SLCO1A2: variants seen among roughly 807,000 people sequenced by gnomAD.
SLCO1A2 encodes the protein solute carrier organic anion transporter family member 1A2.
In SLCO1A2, 67 loss-of-function variants were observed where a neutral mutation model predicts 69.0. The observed-to-expected ratio is 0.97, with a 90% CI of 0.80 to 1.19. SLCO1A2 has a LOEUF of 1.19. Among genes scored for constraint, SLCO1A2 ranks in the 50% most tolerant of loss-of-function variants. SLCO1A2 has a pLI of 0.00. For missense variants in SLCO1A2, 787 were observed against 793.7 expected (o/e 0.99, Z 0.10); for synonymous variants, 260 against 265.9 (o/e 0.98, Z 0.22).
At chr12:21,373,531 A>T (rs571249008) in intron 2 of SLCO1A2, 10 of 829,676 alleles carry the variant, frequency 1.2e-5, no homozygotes, top group African/African-American at 6.7e-5. Context: ...ATTTCTGACT[A>T]TATCATACTT....
At chr12:21,291,378 T>G (rs943959545) in intron 12 of SLCO1A2, among the ~76,000 whole-genome samples, 1 of 152,132 alleles carries the variant, frequency 6.6e-6, no homozygotes, top group South Asian at 2.1e-4. Context: ...CTATGGTGAC[T>G]GGAAGTAGGG....
At chr12:21,318,742 AC>A in intron 3 of SLCO1A2, 39 bp downstream of exon 3, 1 of 1,559,410 alleles carries the variant, frequency 6.4e-7, no homozygotes, top group South Asian at 1.2e-5. Flanking sequence ...CACAGATAAG[AC>A]AAAATACAAA....
chr12:21,366,605 C>T lies in SLCO1A2; in HGVS notation c.-63+7794G>A, dbSNP rs555757493. Among the ~76,000 whole-genome samples, 5 of 151,786 alleles carry T rather than the reference C, an allele frequency of 3.3e-5. No individual in the cohort carries two copies. The South Asian group carries it at 1.0e-3, about 32-fold the overall frequency. On this transcript the variant is annotated intron_variant, in intron 2 of 15. Transcript: ENST00000307378. Reference sequence around the variant, plus strand: ...AAAGATATTTTTTAACAAAAGGGATCTGAAGGAAATGAAGACCACAACAGA... The same window carrying T: ...AAAGATATTTTTTAACAAAAGGGATTTGAAGGAAATGAAGACCACAACAGA...
At chr12:21,301,309 A>G in intron 6 of SLCO1A2, 40 bp from the exon 7 acceptor site, 1 of 1,380,064 alleles carries the variant, frequency 7.2e-7, no homozygotes, top group African/African-American at 1.4e-5. Flanking sequence ...GTACAGTTAT[A>G]TGCCCACATA....
At chr12:21,398,301 A>G (rs1479830365), upstream of SLCO1A2, among the ~76,000 whole-genome samples, 1 of 150,880 alleles carries the variant, frequency 6.6e-6, no homozygotes, top group African/African-American at 2.4e-5. Flanking sequence ...CTGGACACAT[A>G]CACTCTCCCA....
chr12:21,396,184 G>T (rs1348825103), upstream of SLCO1A2, among the ~76,000 whole-genome samples: 1 of 150,322 alleles, frequency 6.7e-6, no homozygotes, highest in African/African-American at 2.4e-5. Flanking sequence ...TAAAGGAGCT[G>T]ATGGAGCTGA....
intron 1 of SLCO1A2, among the ~76,000 whole-genome samples, chr12:21,392,712 T>C (rs1482790342): frequency 6.6e-6 from 1 of 152,204 alleles, no homozygotes; most frequent in African/African-American, 2.4e-5. Flanking sequence ...TACATTTCTT[T>C]TACAAGTTCC....
At chr12:21,410,304 C>T (rs910288063) in intron 1 of SLCO1A2, among the ~76,000 whole-genome samples, 6 of 152,078 alleles carry the variant, frequency 3.9e-5, no homozygotes, top group African/African-American at 1.4e-4. Context: ...AGACAGAATG[C>T]ATGTGTGCCT....
At chr12:21,312,093 GGA>G (rs1950291376) in intron 4 of SLCO1A2, among the ~76,000 whole-genome samples, 1 of 151,482 alleles carries the variant, frequency 6.6e-6, no homozygotes. Context: ...GGAGGAGGAA[GGA>G]GAAGAAGAAG....
At chr12:21,277,889 G>A (rs1405876723) in intron 12 of SLCO1A2, among the ~76,000 whole-genome samples, 1 of 152,160 alleles carries the variant, frequency 6.6e-6, no homozygotes, top group Admixed American at 6.5e-5. Flanking sequence ...GTAATATTCT[G>A]TGGCCCAGTG....
In SLCO1A2 at chr12:21,267,925, A is replaced by ATGAT. The variant is rs1942249886; in HGVS notation, c.*1619_*1622dup. 1 of 151,894 alleles carries ATGAT rather than the reference A, an allele frequency of 6.6e-6. No individual in the cohort carries two copies. The highest frequency in any genetic ancestry group is 2.4e-5 in the African/African-American group (1 of 41,368). The allele number at this position is 151,894 out of a possible 1,614,324, so 9.4% of individuals were successfully genotyped here. A position where few individuals can be genotyped will look rare whatever the true frequency, so the allele number is the denominator to read the frequency against. The stretch of plus-strand genomic sequence containing the variant: ...ATCAAAGTTAAACTCCCCCTTTCCA[A>ATGAT]TGATTTTAGTTCCTCTCTCTTGTTT... On this transcript the variant is annotated 3_prime_UTR_variant, in exon 15 of 15. Coordinates refer to ENST00000683939, the MANE Select transcript of SLCO1A2 (RefSeq NM_001386879.1).
intron 4 of SLCO1A2, among the ~76,000 whole-genome samples, chr12:21,313,475 G>A (rs956954674): frequency 6.6e-6 from 1 of 152,226 alleles, no homozygotes; most frequent in African/African-American, 2.4e-5. Flanking sequence ...ACTTTGAGAG[G>A]CCGAGGTGGG....
At chr12:21,289,453 T>C (rs1443988285) in intron 12 of SLCO1A2, among the ~76,000 whole-genome samples, 2 of 152,010 alleles carry the variant, frequency 1.3e-5, no homozygotes, top group African/African-American at 2.4e-5. Flanking sequence ...AAGATTGGAA[T>C]TCTCAGCCCC....
chr12:21,289,103 CTATA>C (rs970266083), intron 12 of SLCO1A2, among the ~76,000 whole-genome samples: 2 of 149,820 alleles, frequency 1.3e-5, no homozygotes, highest in African/African-American at 5.0e-5. Context: ...ATTCATATCT[CTATA>C]TATTTGCAAT....
rs114326668 is a variant in SLCO1A2, at chr12:21,314,612, A to G, written c.272T>C (p.Ile91Thr). ...GCCTAAGCCCATAACCACACATCCA[A>G]TGCCAATCATTATAGGTCTATGCAG... Reference protein sequence around the residue: ...TKLHRPIMIGIGCVVMGLGCF... With the variant: ...TKLHRPIMIGTGCVVMGLGCF... Residue 91 changes from isoleucine to threonine, a missense_variant, in exon 4 of 15, where the codon ATT becomes ACT. Transcript: ENST00000683939. The G allele has an allele frequency of 1.6e-5, 26 of 1,613,900 alleles. No individual in the cohort carries two copies. The African/African-American group carries it at 3.1e-4, about 19-fold the overall frequency.
At chr12:21,329,351 T>C (rs538473346) in intron 2 of SLCO1A2, among the ~76,000 whole-genome samples, 66 of 152,266 alleles carry the variant, frequency 4.3e-4, no homozygotes, top group South Asian at 1.9e-3. Flanking sequence ...TCTGGTTTAA[T>C]TTTTCTTTCT....
In SLCO1A2 at chr12:21,267,116, G is replaced by A. The variant is rs1411871245; in HGVS notation, c.*2432C>T. The A allele has an allele frequency of 1.3e-5, 2 of 152,042 alleles. No homozygotes were observed. Among genetic ancestry groups the A allele is most frequent in the African/African-American group, 4.8e-5 (2 of 41,386 alleles). 9.4% of individuals were successfully genotyped at this position (152,042 alleles called of 1,614,324 possible). ...GTATACCAACAAAAGAGGTCATGAG[G>A]GATCCCAAAGCACTCCAACACCCAC... is the stretch of plus-strand genomic sequence containing the variant. On this transcript the variant is annotated 3_prime_UTR_variant, in exon 15 of 15. Coordinates refer to ENST00000683939, the MANE Select transcript of SLCO1A2 (RefSeq NM_001386879.1).
At chr12:21,306,600 T>A (rs928096666) in intron 5 of SLCO1A2, among the ~76,000 whole-genome samples, 1 of 152,212 alleles carries the variant, frequency 6.6e-6, no homozygotes, top group African/African-American at 2.4e-5. Flanking sequence ...GTGCTGGGAT[T>A]ACAGGCGTGA....
chr12:21,348,797 G>T (rs970216480), intron 2 of SLCO1A2, among the ~76,000 whole-genome samples: 1 of 152,102 alleles, frequency 6.6e-6, no homozygotes, highest in Non-Finnish European at 1.5e-5. Flanking sequence ...GAGCACAGGG[G>T]ATTTTTAGGG....
Sources: allele counts gnomAD v4.1 joint callset (sites outside exome capture counted in the v4.1 genomes callset), GRCh38; gene constraint gnomAD v4.1.1; transcripts MANE v1.5; gene names NCBI Gene and HGNC (gene_info 2026-07-23, HGNC 2026-07-21).